The following LIPA variants were observed in gnomAD, a reference collection of about 807,000 sequenced individuals.
The protein encoded by LIPA is lipase A, lysosomal acid type, also known as lysosomal acid lipase/cholesteryl ester hydrolase.
LIPA carries 26 observed loss-of-function variants against 40.6 expected under a neutral mutation model. The observed-to-expected ratio is 0.64, with a 90% confidence interval of 0.47 to 0.89. LIPA has a LOEUF of 0.89. Among genes scored for constraint, LIPA ranks in the 40% least tolerant of loss-of-function variants. The pLI is 0.00. For synonymous variants in LIPA, 188 were observed against 168.4 expected (o/e 1.12, Z -0.90); for missense variants, 455 against 479.6 (o/e 0.95, Z 0.48).
chr10:89,262,729 A>T (rs751908260), intron 1 of LIPA, among the ~76,000 whole-genome samples: 1 of 152,242 alleles, frequency 6.6e-6, no homozygotes, highest in Admixed American at 6.5e-5. Flanking sequence ...GGTGACTCAC[A>T]TGAGGAATGT....
chr10:89,377,495 T>C (rs771896815), intron 2 of LIPA, among the ~76,000 whole-genome samples: 3 of 152,218 alleles, frequency 2.0e-5, no homozygotes, highest in Admixed American at 6.5e-5. Flanking sequence ...TGCTGGAGGA[T>C]GTAACCAGTA....
intron 2 of LIPA, among the ~76,000 whole-genome samples, chr10:89,386,974 A>T (rs7907907): frequency 0.31 from 19,444 of 62,078 alleles, 3,205 homozygotes; most frequent in African/African-American, 0.6. Flanking sequence ...TGTGTGTGTG[A>T]GAGAGAGAGA....
At position 89,221,371 on chromosome 10, in the gene LIPA, C is replaced by T. The variant is rs570173819; in HGVS notation, c.894+1140G>A. On this transcript the variant is annotated intron_variant, in intron 8 of 9. Transcript: ENST00000336233. The stretch of plus-strand genomic sequence containing the variant: ...TCCATCTCAAAAAAATAAAATAAAA[C>T]GAAAAAATAAAAGTACAGATTCTCT... 6.6e-5 allele frequency among the ~76,000 whole-genome samples: 10 copies of T among 151,958 alleles called. No homozygotes were observed. In the South Asian group the frequency reaches 8.3e-4, roughly 13 times the overall value.
chr10:89,338,524 A>G lies in LIPA; in HGVS notation c.-2+4087T>C, dbSNP rs1242513278. 6 of 795,372 alleles carry G rather than the reference A, an allele frequency of 7.5e-6. No individual in the cohort carries two copies. The African/African-American group carries it at 1.0e-4, about 14-fold the overall frequency. 49.3% of individuals were successfully genotyped at this position (795,372 alleles called of 1,614,324 possible). A position where few individuals can be genotyped will look rare whatever the true frequency, so the allele number is the denominator to read the frequency against. ...TCATGTCTTCCAGAAACAACCTCAC[A>G]TACATACCCAGAAATAATGTTGGAC... On this transcript the variant is annotated intron_variant, in intron 1 of 5. Transcript: ENST00000282673.
chr10:89,409,259 C>T (rs1225239370), intron 2 of LIPA, among the ~76,000 whole-genome samples: 1 of 152,084 alleles, frequency 6.6e-6, no homozygotes, highest in Non-Finnish European at 1.5e-5. Flanking sequence ...TAATAGGGAC[C>T]AAGAGGAACA....
intron 1 of LIPA, among the ~76,000 whole-genome samples, chr10:89,299,428 C>T (rs961372464): frequency 6.6e-6 from 1 of 152,116 alleles, no homozygotes; most frequent in Admixed American, 6.5e-5. Context: ...GGTTTGAAAA[C>T]CTATGTAATG....
At position 89,367,004 on chromosome 10, in the gene LIPA, G is replaced by A. The variant is rs367581677; in HGVS notation, c.61+45787C>T. On this transcript the variant is annotated intron_variant, in intron 2 of 8. Transcript: ENST00000371837. The stretch of plus-strand genomic sequence containing the variant: ...GGAATACTATGCAGCCATAAAAAAG[G>A]ATGAGCTCATGTCCTTCTTAGGGAC... Among the ~76,000 whole-genome samples the A allele has an allele frequency of 2.0e-4, 31 of 152,298 alleles. No homozygotes were observed. In the East Asian group the frequency reaches 3.5e-3, roughly 17 times the overall value.
intron 2 of LIPA, among the ~76,000 whole-genome samples, chr10:89,397,994 A>G (rs1433107118): frequency 1.3e-5 from 2 of 152,168 alleles, no homozygotes; most frequent in Admixed American, 6.5e-5. Context: ...TTTATTGTGC[A>G]ACCATGACCA....
At chr10:89,352,713 AG>A (rs1843966162) in intron 2 of LIPA, among the ~76,000 whole-genome samples, 1 of 151,774 alleles carries the variant, frequency 6.6e-6, no homozygotes, top group Admixed American at 6.6e-5. Context: ...ACTAAGCCAA[AG>A]GGAAAAGTCA....
At chr10:89,319,052 A>T (rs1432045912) in intron 1 of LIPA, among the ~76,000 whole-genome samples, 2 of 152,246 alleles carry the variant, frequency 1.3e-5, no homozygotes, top group Non-Finnish European at 2.9e-5. Context: ...TCTCTGGGAC[A>T]TATTTAAAGC....
At chr10:89,335,940 C>T (rs1168016843) in intron 1 of LIPA, among the ~76,000 whole-genome samples, 2 of 152,098 alleles carry the variant, frequency 1.3e-5, no homozygotes, top group African/African-American at 4.8e-5. Context: ...GACTTGTAGT[C>T]CTTCATACAG....
At chr10:89,363,075 G>A (rs963964859) in intron 2 of LIPA, 6 of 226,238 alleles carry the variant, frequency 2.7e-5, no homozygotes, top group East Asian at 2.0e-4. Flanking sequence ...TCTATATGCA[G>A]CCCAGTTTTA....
intron 3 of LIPA, among the ~76,000 whole-genome samples, chr10:89,237,045 G>A (rs934551507): frequency 1.3e-5 from 2 of 152,212 alleles, no homozygotes; most frequent in Non-Finnish European, 2.9e-5. Context: ...AGGCCAAAGT[G>A]GGAGGACCTC....
rs1842776518 is a variant in LIPA at position 89,226,890 on chromosome 10, C to T, written c.538+5G>A. 2.1e-6 allele frequency: 3 copies of T among 1,459,568 alleles called. No individual in the cohort carries two copies. The highest frequency in any genetic ancestry group is 2.9e-6 in the Non-Finnish European group (3 of 1,039,882). The allele number at this position is 1,459,568 out of a possible 1,614,324, so 90.4% of individuals were successfully genotyped here. On this transcript the variant is annotated splice_donor_5th_base_variant and intron_variant, in intron 5 of 9. Transcript: ENST00000336233. Reference sequence around the variant, plus strand: ...ATCAACTTCTGATCTTATTTACATACATACCTATAGTGGTGCCTTGAGAAT... The same window carrying T: ...ATCAACTTCTGATCTTATTTACATATATACCTATAGTGGTGCCTTGAGAAT...
intron 1 of LIPA, chr10:89,338,251 G>A (rs7916812): frequency 0.25 from 41,186 of 162,624 alleles, 5,614 homozygotes; most frequent in African/African-American, 0.32. Context: ...GGAGACCAAG[G>A]AAAGTTGATG....
At chr10:89,227,238 G>C (rs964498639) in intron 4 of LIPA, among the ~76,000 whole-genome samples, 1 of 152,154 alleles carries the variant, frequency 6.6e-6, no homozygotes, top group Admixed American at 6.5e-5. Flanking sequence ...AGTTTCGCCT[G>C]TTTTTAAATA....
At chr10:89,292,403 T>C (rs901712295) in intron 1 of LIPA, 2 of 152,190 alleles carry the variant, frequency 1.3e-5, no homozygotes, top group African/African-American at 4.8e-5. Flanking sequence ...GAAATAGCAA[T>C]CCAGCGGCAG....
chr10:89,235,079 A>C (rs1194310571), intron 3 of LIPA, among the ~76,000 whole-genome samples: 1 of 152,248 alleles, frequency 6.6e-6, no homozygotes, highest in Non-Finnish European at 1.5e-5. Flanking sequence ...CTTCCGGCTG[A>C]AGGCAGAAAG....
At chr10:89,401,651 A>G (rs997084399) in intron 2 of LIPA, among the ~76,000 whole-genome samples, 11 of 152,124 alleles carry the variant, frequency 7.2e-5, no homozygotes, top group Non-Finnish European at 1.5e-4. Context: ...ACCAATGTCA[A>G]TTTTCTAGTT....
Sources: gnomAD v4.1 joint callset for allele counts (sites outside exome capture counted in the v4.1 genomes callset) on GRCh38, gnomAD v4.1.1 for gene constraint, MANE v1.5 for transcripts, NCBI Gene and HGNC (gene_info 2026-07-23, HGNC 2026-07-21) for gene names.